GULP1: variants seen among roughly 807,000 people sequenced by gnomAD.
GULP1 encodes PTB domain-containing engulfment adapter protein 1.
In GULP1, 19 loss-of-function variants were observed where a neutral mutation model predicts 40.9. The ratio of observed to expected loss-of-function variants is 0.46; its 90% confidence interval spans 0.32 to 0.68. The LOEUF (loss-of-function observed/expected upper bound fraction) is 0.68, where lower values mean the gene tolerates loss of function less well. Among genes scored for constraint, GULP1 ranks in the 30% least tolerant of loss-of-function variants. The probability of loss-of-function intolerance (pLI) is 0.03; values close to 1 mark genes in which losing one functional copy is unlikely to be tolerated. For missense variants in GULP1, 312 were observed against 362.2 expected (o/e 0.86, Z 1.12); for synonymous variants, 119 against 117.6 (o/e 1.01, Z -0.08).
intron 2 of GULP1, among the ~76,000 whole-genome samples, chr2:188,414,925 G>A (rs2054385493): frequency 1.3e-5 from 2 of 152,174 alleles, no homozygotes; most frequent in African/African-American, 4.8e-5. Context: ...TGGTGTCTGA[G>A]GGCCCCTTTC....
At chr2:188,544,263 A>T (rs1691309013) in intron 7 of GULP1, among the ~76,000 whole-genome samples, 1 of 152,118 alleles carries the variant, frequency 6.6e-6, no homozygotes, top group African/African-American at 2.4e-5. Flanking sequence ...CAACACATAG[A>T]TGTCAGAGAT....
At chr2:188,562,180 C>A (rs1243732759) in intron 7 of GULP1, among the ~76,000 whole-genome samples, 1 of 152,160 alleles carries the variant, frequency 6.6e-6, no homozygotes, top group Non-Finnish European at 1.5e-5. Context: ...GATGTGGGAC[C>A]TAGTGCAAGC....
At chr2:188,318,344 CA>C (rs1399129027) in intron 1 of GULP1, among the ~76,000 whole-genome samples, 3 of 152,232 alleles carry the variant, frequency 2.0e-5, no homozygotes, top group African/African-American at 7.2e-5. Context: ...GTCCTTTTAA[CA>C]TGCCCAAATG....
At chr2:188,592,695 A>G (rs1703808499) in intron 11 of GULP1, 1 of 152,074 alleles carries the variant, frequency 6.6e-6, no homozygotes, top group African/African-American at 2.4e-5. Context: ...ACAGCTTTGT[A>G]ACTACCTTCC....
At chr2:188,322,490 G>A (rs1034315035) in intron 1 of GULP1, among the ~76,000 whole-genome samples, 1 of 152,078 alleles carries the variant, frequency 6.6e-6, no homozygotes, top group Non-Finnish European at 1.5e-5. Flanking sequence ...CATTAAAATA[G>A]TTTATAACGT....
At chr2:188,483,813 A>T (rs1230410062) in intron 4 of GULP1, among the ~76,000 whole-genome samples, 1 of 152,210 alleles carries the variant, frequency 6.6e-6, no homozygotes, top group Non-Finnish European at 1.5e-5. Context: ...TAAAAACATT[A>T]ATGTTACATT....
In GULP1 at chr2:188,538,692, TGA is replaced by T. The variant is rs967894488; in HGVS notation, c.262-2487_262-2486del. 2.7e-5 allele frequency among the ~76,000 whole-genome samples: 4 copies of T among 146,170 alleles called. No individual in the cohort carries two copies. In the East Asian group the frequency reaches 7.9e-4, roughly 29 times the overall value. On this transcript the variant is annotated intron_variant, in intron 6 of 11. Transcript: ENST00000409830. The stretch of plus-strand genomic sequence containing the variant: ...CGGTATGTGTGTGTGAGTGTGTGTG[TGA>T]GTGTGTGTGTGTGTGTGTGTGTGTG...
chr2:188,458,152 C>T (rs573411859), intron 2 of GULP1, among the ~76,000 whole-genome samples: 1 of 152,286 alleles, frequency 6.6e-6, no homozygotes, highest in South Asian at 2.1e-4. Flanking sequence ...ATGAGTCAGC[C>T]TTCCCTTCTC....
chr2:188,583,449 G>C (rs965316531), intron 9 of GULP1, among the ~76,000 whole-genome samples: 8 of 152,076 alleles, frequency 5.3e-5, no homozygotes, highest in Non-Finnish European at 1.0e-4. Context: ...TTTTATCCCT[G>C]ATCAAATCAG....
At chr2:188,486,497 T>C (rs2061873002) in intron 4 of GULP1, among the ~76,000 whole-genome samples, 1 of 152,024 alleles carries the variant, frequency 6.6e-6, no homozygotes, top group Admixed American at 6.6e-5. Context: ...TTAAGAATTA[T>C]TATTCTCCCT....
chr2:188,545,302 A>C (rs968253252), intron 7 of GULP1, among the ~76,000 whole-genome samples: 21 of 151,906 alleles, frequency 1.4e-4, no homozygotes, highest in African/African-American at 5.1e-4. Flanking sequence ...GAAAAAAAAA[A>C]CAAGATGAGC....
At chr2:188,322,321 G>T (rs940969803) in intron 1 of GULP1, among the ~76,000 whole-genome samples, 4 of 151,858 alleles carry the variant, frequency 2.6e-5, no homozygotes, top group Admixed American at 2.6e-4. Flanking sequence ...TAGGGGTAGA[G>T]GAAGAGGTTG....
intron 2 of GULP1, among the ~76,000 whole-genome samples, chr2:188,466,720 A>G (rs1372572796): frequency 4.6e-5 from 7 of 151,986 alleles, no homozygotes; most frequent in African/African-American, 1.4e-4. Flanking sequence ...TTTATAAGTC[A>G]TGTCTCTATT....
intron 1 of GULP1, among the ~76,000 whole-genome samples, chr2:188,377,846 A>G (rs2048487521): frequency 6.6e-6 from 1 of 152,316 alleles, no homozygotes; most frequent in Non-Finnish European, 1.5e-5. Context: ...AATTAAAATA[A>G]ATTTTTAAAA....
intron 4 of GULP1, among the ~76,000 whole-genome samples, chr2:188,493,594 A>C (rs2062618981): frequency 6.6e-6 from 1 of 152,064 alleles, no homozygotes; most frequent in Non-Finnish European, 1.5e-5. Flanking sequence ...TCTAGCAGAC[A>C]CATAACTTTT....
chr2:188,312,663 G>C (rs2038373820), intron 1 of GULP1, among the ~76,000 whole-genome samples: 1 of 152,122 alleles, frequency 6.6e-6, no homozygotes. Flanking sequence ...TAAATACCCG[G>C]TAATGGGATT....
intron 1 of GULP1, among the ~76,000 whole-genome samples, chr2:188,302,575 AG>A (rs2036319678): frequency 6.6e-6 from 1 of 152,196 alleles, no homozygotes; most frequent in African/African-American, 2.4e-5. Context: ...GGTAAACTAT[AG>A]TTCCACTCAC....
At chr2:188,394,777 G>C (rs1049996056) in intron 2 of GULP1, among the ~76,000 whole-genome samples, 1 of 152,072 alleles carries the variant, frequency 6.6e-6, no homozygotes, top group South Asian at 2.1e-4. Context: ...GCAGCTCTTG[G>C]TGCTTCCAGG....
At chr2:188,517,485 T>C (rs2065289043) in intron 4 of GULP1, among the ~76,000 whole-genome samples, 1 of 152,190 alleles carries the variant, frequency 6.6e-6, no homozygotes. Context: ...TCCCTCTACT[T>C]TTCTAACCAT....
Sources: gnomAD v4.1 joint callset for allele counts (sites outside exome capture counted in the v4.1 genomes callset) on GRCh38, gnomAD v4.1.1 for gene constraint, MANE v1.5 for transcripts, NCBI Gene and HGNC (gene_info 2026-07-23, HGNC 2026-07-21) for gene names.